The following NRG1 variants were observed in gnomAD, a reference collection of about 807,000 sequenced individuals.
NRG1 encodes the protein neuregulin 1, also known as pro-neuregulin-1, membrane-bound isoform.
Under a neutral mutation model 63.8 loss-of-function variants are expected in NRG1, and 18 were observed. That is an observed-to-expected ratio of 0.28 (90% CI 0.19 to 0.42). NRG1 has a LOEUF of 0.42. Among genes scored for constraint, NRG1 ranks in the 10% least tolerant of loss-of-function variants. NRG1 has a pLI of 1.00. For missense variants in NRG1, 762 were observed against 814.7 expected, an observed-to-expected ratio of 0.94 and a Z score of 0.79; for synonymous variants, 302 against 301.3, an observed-to-expected ratio of 1.00 and a Z score of -0.02.
chr8:32,427,743 ACGTGTGC>A (rs1375504773), intron 1 of NRG1, among the ~76,000 whole-genome samples: 4 of 152,282 alleles, frequency 2.6e-5, no homozygotes, highest in African/African-American at 9.6e-5. Flanking sequence ...GATTGTTCTA[ACGTGTGC>A]GACAGGATAA....
intron 5 of NRG1, among the ~76,000 whole-genome samples, chr8:32,620,539 A>AAG (rs1848157103): frequency 6.6e-6 from 1 of 150,658 alleles, no homozygotes; most frequent in Non-Finnish European, 1.5e-5. Context: ...AAAAAAAAAA[A>AAG]AGAGCAGGCA....
chr8:32,389,240 C>T (rs572391314), intron 1 of NRG1, among the ~76,000 whole-genome samples: 4 of 152,196 alleles, frequency 2.6e-5, no homozygotes, highest in East Asian at 3.9e-4. Context: ...ACAATTGTGA[C>T]GATTTTGTAA....
intron 1 of NRG1, among the ~76,000 whole-genome samples, chr8:32,035,307 G>C: frequency 6.6e-6 from 1 of 152,120 alleles, no homozygotes; most frequent in African/African-American, 2.4e-5. Flanking sequence ...CTAAGAGACT[G>C]TTTGTTGTTA....
intron 1 of NRG1, among the ~76,000 whole-genome samples, chr8:32,587,063 C>G (rs956296169): frequency 1.3e-5 from 2 of 152,006 alleles, no homozygotes; most frequent in African/African-American, 4.8e-5. Context: ...AAAAGCCCAG[C>G]GTGGTGGTGT....
intron 5 of NRG1, among the ~76,000 whole-genome samples, chr8:32,702,477 T>C (rs941426891): frequency 6.6e-6 from 1 of 152,244 alleles, no homozygotes; most frequent in South Asian, 2.1e-4. Context: ...GATTCTCTTG[T>C]CGGTATTACT....
intron 1 of NRG1, among the ~76,000 whole-genome samples, chr8:32,392,369 T>TTTTG (rs1378565936): frequency 2.0e-5 from 3 of 152,212 alleles, no homozygotes; most frequent in African/African-American, 7.2e-5. Context: ...AAAGCAGTAA[T>TTTTG]TTTGGCATAT....
chr8:31,739,568 A>G (rs117638561), intron 1 of NRG1, among the ~76,000 whole-genome samples: 1 of 151,988 alleles, frequency 6.6e-6, no homozygotes, highest in South Asian at 2.1e-4. Flanking sequence ...TGTAACTACG[A>G]CTCTGTGTGC....
At chr8:31,682,628 A>AT in intron 1 of NRG1, among the ~76,000 whole-genome samples, 1 of 151,960 alleles carries the variant, frequency 6.6e-6, no homozygotes, top group East Asian at 1.9e-4. Context: ...TGTGCCTATA[A>AT]TTTTTTTTCA....
chr8:32,302,796 T>A (rs891622760), intron 1 of NRG1, among the ~76,000 whole-genome samples: 3 of 142,174 alleles, frequency 2.1e-5, no homozygotes, highest in Non-Finnish European at 3.1e-5. Flanking sequence ...TTATAATGCA[T>A]CCTTCTGGCA....
chr8:31,668,559 C>A (rs1371662795), intron 1 of NRG1, among the ~76,000 whole-genome samples: 2 of 152,052 alleles, frequency 1.3e-5, no homozygotes, highest in African/African-American at 4.8e-5. Flanking sequence ...GTACTGTGTC[C>A]CCAAACCAAA....
chr8:32,109,125 T>G lies in NRG1; in HGVS notation c.37+469694T>G, dbSNP rs142339161. On this transcript the variant is annotated intron_variant, in intron 1 of 10. Coordinates refer to the NRG1 transcript ENST00000519301. ...AGAATTATACTTAAGTGTCTGCCAA[T>G]TGCCATGATAATAGAAAAGCTTATG... Among the ~76,000 whole-genome samples the G allele has an allele frequency of 5.9e-4, 90 of 152,292 alleles. 2 individuals carry two copies. The highest frequency in any genetic ancestry group is 2.2e-3 in the Admixed American group (33 of 15,288).
chr8:31,785,352 G>C (rs1820070553), intron 1 of NRG1, among the ~76,000 whole-genome samples: 1 of 152,130 alleles, frequency 6.6e-6, no homozygotes, highest in South Asian at 2.1e-4. Context: ...ATAGAAAACT[G>C]AACGTGGAAC....
At chr8:32,435,883 A>G (rs1587642132) in intron 1 of NRG1, among the ~76,000 whole-genome samples, 1 of 152,268 alleles carries the variant, frequency 6.6e-6, no homozygotes, top group South Asian at 2.1e-4. Flanking sequence ...ATATGCCAGT[A>G]CTTCTATAGT....
intron 1 of NRG1, among the ~76,000 whole-genome samples, chr8:31,898,650 G>C (rs2129614952): frequency 6.6e-6 from 1 of 152,284 alleles, no homozygotes; most frequent in South Asian, 2.1e-4. Flanking sequence ...GTTGCAGTGA[G>C]CTGAGATTGC....
At chr8:32,310,211 C>T (rs932095442) in intron 1 of NRG1, among the ~76,000 whole-genome samples, 2 of 152,152 alleles carry the variant, frequency 1.3e-5, no homozygotes, top group East Asian at 1.9e-4. Context: ...TAATATATGA[C>T]GGTTTGGATC....
rs1025046741 is a variant in NRG1, at chr8:32,348,645, A to G, written c.38-247183A>G. Among the ~76,000 whole-genome samples, 5 of 152,212 alleles carry G rather than the reference A, an allele frequency of 3.3e-5. No individual in the cohort carries two copies. In the East Asian group the frequency reaches 5.8e-4, roughly 18 times the overall value. On this transcript the variant is annotated intron_variant, in intron 1 of 10. Coordinates refer to the NRG1 transcript ENST00000519301. The stretch of plus-strand genomic sequence containing the variant: ...AGTGTTTTGACATTCTAACTACACT[A>G]TCAGTATGGTTTTCTGTTATAACGT...
At chr8:32,138,681 GCCTC>G (rs1465387279) in intron 1 of NRG1, among the ~76,000 whole-genome samples, 3 of 151,972 alleles carry the variant, frequency 2.0e-5, no homozygotes, top group African/African-American at 7.2e-5. Flanking sequence ...TTCTGCCTCA[GCCTC>G]CCAAGTAGCT....
chr8:32,288,749 G>A (rs184186469), intron 1 of NRG1, among the ~76,000 whole-genome samples: 27 of 152,252 alleles, frequency 1.8e-4, no homozygotes, highest in Admixed American at 1.6e-3. Flanking sequence ...AAGGGGAGGG[G>A]GAGGTAAGAT....
chr8:31,953,361 A>G (rs1803801125), intron 1 of NRG1, among the ~76,000 whole-genome samples: 5 of 152,212 alleles, frequency 3.3e-5, no homozygotes, highest in Admixed American at 3.3e-4. Flanking sequence ...TTATAAAATT[A>G]TTTTAACTTT....
Sources: gnomAD v4.1 joint callset for allele counts (sites outside exome capture counted in the v4.1 genomes callset) on GRCh38, gnomAD v4.1.1 for gene constraint, MANE v1.5 for transcripts, NCBI Gene and HGNC (gene_info 2026-07-23, HGNC 2026-07-21) for gene names.